The following ATXN8OS variants were observed in gnomAD, a reference collection of about 807,000 sequenced individuals.
ATXN8OS encodes ATXN8 opposite strand lncRNA, also known as ATXN8 opposite strand (non-protein coding).
At chr13:70,158,891 A>G (rs1593776929) in intron 4 of ATXN8OS, among the ~76,000 whole-genome samples, 1 of 152,294 alleles carries the variant, frequency 6.6e-6, no homozygotes, top group Admixed American at 6.5e-5. Flanking sequence ...TAGTTTGTCA[A>G]CCTCTGTGTT....
At chr13:70,107,453 A>G (rs1486460814), upstream of ATXN8OS, 5 of 1,613,926 alleles carry the variant, frequency 3.1e-6, no homozygotes, top group Non-Finnish European at 4.2e-6. Flanking sequence ...GAGGAAGAGG[A>G]CGGGGAGGAC....
chr13:70,159,757 A>G (rs1367045434), intron 4 of ATXN8OS, among the ~76,000 whole-genome samples: 1 of 152,156 alleles, frequency 6.6e-6, no homozygotes, highest in Non-Finnish European at 1.5e-5. Flanking sequence ...CTGTAGTTTT[A>G]CCTTTTCCAG....
chr13:70,167,983 C>T (rs1889098419), intron 4 of ATXN8OS, among the ~76,000 whole-genome samples: 1 of 152,076 alleles, frequency 6.6e-6, no homozygotes, highest in African/African-American at 2.4e-5. Flanking sequence ...ACGTCAGTCT[C>T]CCACAGTGCT....
rs1043624022 is a variant in ATXN8OS, at chr13:70,138,912, G to T, written n.500-8443G>T. ...CAATGAAAGACTTATTGGAATTCAT[G>T]CCTATAATTTATAAGATCTGCCACC... On this transcript the variant is annotated intron_variant and non_coding_transcript_variant, in intron 3 of 4. Transcript: ENST00000678624. Among the ~76,000 whole-genome samples, 78 of 151,994 alleles carry T rather than the reference G, an allele frequency of 5.1e-4. 5 individuals are homozygous for T. The highest frequency in any genetic ancestry group is 1.5e-5 in the Non-Finnish European group (1 of 67,998).
intron 2 of ATXN8OS, among the ~76,000 whole-genome samples, chr13:70,129,261 T>C (rs889147994): frequency 6.6e-6 from 1 of 152,210 alleles, no homozygotes; most frequent in Non-Finnish European, 1.5e-5. Flanking sequence ...TATTGTGTTT[T>C]TCAACAAAAT....
At chr13:70,144,087 C>T (rs1766392090) in intron 3 of ATXN8OS, among the ~76,000 whole-genome samples, 1 of 151,990 alleles carries the variant, frequency 6.6e-6, no homozygotes, top group African/African-American at 2.4e-5. Context: ...GCATATAATC[C>T]AGTGTCTGAC....
rs9592679 is a variant in ATXN8OS, at chr13:70,147,771, G to A, written n.573+343G>A. Among the ~76,000 whole-genome samples, 1,345 of 152,136 alleles carry A rather than the reference G, an allele frequency of 8.8e-3. 10 individuals are homozygous for A. The highest frequency in any genetic ancestry group is 0.013 in the Non-Finnish European group (903 of 67,992). Reference sequence around the variant, plus strand: ...GGACCATGGCCTGTGACACAGCCTCGGGAGGTCCTGAGAACATGTGCCCAA... The same window carrying A: ...GGACCATGGCCTGTGACACAGCCTCAGGAGGTCCTGAGAACATGTGCCCAA... On this transcript the variant is annotated intron_variant and non_coding_transcript_variant, in intron 4 of 4. Transcript: ENST00000678624.
chr13:70,143,473 A>G (rs1214302438), intron 3 of ATXN8OS, among the ~76,000 whole-genome samples: 5 of 152,184 alleles, frequency 3.3e-5, no homozygotes, highest in Non-Finnish European at 7.4e-5. Context: ...TTCTGTGCTC[A>G]CGTCAAATGA....
intron 4 of ATXN8OS, among the ~76,000 whole-genome samples, chr13:70,154,499 T>G (rs1888912351): frequency 6.6e-6 from 1 of 152,162 alleles, no homozygotes; most frequent in Admixed American, 6.6e-5. Flanking sequence ...GAATGGTTCT[T>G]ATATGACTGA....
At chr13:70,131,685 T>G in intron 3 of ATXN8OS, 1 of 394,834 alleles carries the variant, frequency 2.5e-6, no homozygotes, top group Non-Finnish European at 4.5e-6. Flanking sequence ...CCAGACTAGA[T>G]CATTTTCCCT....
intron 3 of ATXN8OS, among the ~76,000 whole-genome samples, chr13:70,146,379 A>G (rs1250582468): frequency 6.6e-6 from 1 of 151,438 alleles, no homozygotes; most frequent in Non-Finnish European, 1.5e-5. Context: ...ATCTAGAACT[A>G]GAAATACCAT....
intron 4 of ATXN8OS, among the ~76,000 whole-genome samples, chr13:70,147,646 T>C (rs1355897119): frequency 6.6e-6 from 1 of 152,168 alleles, no homozygotes; most frequent in Admixed American, 6.5e-5. Context: ...TTAATCCAGA[T>C]TTTAAATATC....
intron 4 of ATXN8OS, among the ~76,000 whole-genome samples, chr13:70,154,884 G>A (rs1416544636): frequency 6.6e-6 from 1 of 152,172 alleles, no homozygotes; most frequent in Admixed American, 6.5e-5. Context: ...GGATAAGCCG[G>A]TGCCCAGGCA....
At chr13:70,169,928 C>T (rs901924366) in exon 5 of ATXN8OS, among the ~76,000 whole-genome samples, 7 of 152,082 alleles carry the variant, frequency 4.6e-5, no homozygotes, top group African/African-American at 7.2e-5. Context: ...AAATGCATTG[C>T]GAGCCAGCTT....
At chr13:70,168,598 T>C (rs946325627) in intron 4 of ATXN8OS, among the ~76,000 whole-genome samples, 1 of 151,702 alleles carries the variant, frequency 6.6e-6, no homozygotes, top group African/African-American at 2.4e-5. Context: ...ACATCATTTT[T>C]TTTTTTTTTT....
At chr13:70,160,064 T>A (rs1034156424) in intron 4 of ATXN8OS, among the ~76,000 whole-genome samples, 1 of 152,164 alleles carries the variant, frequency 6.6e-6, no homozygotes, top group African/African-American at 2.4e-5. Flanking sequence ...GATTGCTGGG[T>A]CTTATGGTTA....
intron 4 of ATXN8OS, among the ~76,000 whole-genome samples, chr13:70,150,395 A>G (rs992771236): frequency 2.0e-5 from 3 of 152,082 alleles, no homozygotes; most frequent in African/African-American, 4.8e-5. Flanking sequence ...TTGCCTAGGA[A>G]TATATTACAG....
At chr13:70,156,082 A>G (rs1888932439) in intron 4 of ATXN8OS, among the ~76,000 whole-genome samples, 1 of 152,188 alleles carries the variant, frequency 6.6e-6, no homozygotes. Flanking sequence ...CTTTATGAAC[A>G]GAAAGAAATT....
chr13:70,153,851 TTTTC>T (rs1031501365), intron 4 of ATXN8OS, among the ~76,000 whole-genome samples: 74 of 152,126 alleles, frequency 4.9e-4, no homozygotes, highest in African/African-American at 1.7e-3. Context: ...GTCCAATTTT[TTTTC>T]TTTCTATTTT....
Sources: allele counts gnomAD v4.1 joint callset (sites outside exome capture counted in the v4.1 genomes callset), GRCh38; gene constraint gnomAD v4.1.1; transcripts MANE v1.5; gene names NCBI Gene and HGNC (gene_info 2026-07-23, HGNC 2026-07-21).